The following BMP2K variants were observed in gnomAD, a reference collection of about 807,000 sequenced individuals.
The protein encoded by BMP2K is BMP-2-inducible protein kinase.
Under a neutral mutation model 116.0 loss-of-function variants are expected in BMP2K, and 74 were observed. The ratio of observed to expected loss-of-function variants is 0.64; its 90% confidence interval spans 0.53 to 0.77. The LOEUF is 0.77. Ranked by LOEUF, BMP2K falls within the 30% of genes least tolerant of loss-of-function variation. BMP2K has a pLI of 0.00. For missense variants in BMP2K, 1,365 were observed against 1,403.6 expected (o/e 0.97, Z 0.44); for synonymous variants, 486 against 502.5 (o/e 0.97, Z 0.44).
At chr4:78,906,680 C>T (rs1017732893) in intron 15 of BMP2K, among the ~76,000 whole-genome samples, 2 of 152,134 alleles carry the variant, frequency 1.3e-5, no homozygotes, top group African/African-American at 2.4e-5. Flanking sequence ...CTTCTCCCTA[C>T]ACTTCTCCCT....
At chr4:78,885,927 TC>T (rs1733054233) in intron 14 of BMP2K, among the ~76,000 whole-genome samples, 1 of 152,194 alleles carries the variant, frequency 6.6e-6, no homozygotes, top group African/African-American at 2.4e-5. Context: ...CAGTTTTGCC[TC>T]ACTGTAGCCT....
At chr4:78,859,739 T>A in intron 8 of BMP2K, 52 bp downstream of exon 8, 1 of 1,248,062 alleles carries the variant, frequency 8.0e-7, no homozygotes, top group Non-Finnish European at 1.1e-6. Flanking sequence ...TTATCGTATG[T>A]GAATATATTT....
At chr4:78,885,268 C>T (rs751890660) in intron 14 of BMP2K, among the ~76,000 whole-genome samples, 5 of 152,238 alleles carry the variant, frequency 3.3e-5, no homozygotes, top group South Asian at 4.1e-4. Flanking sequence ...GTCCCGTTGT[C>T]ATAAAGGTTT....
At chr4:78,894,082 G>C (rs1733577623) in intron 15 of BMP2K, among the ~76,000 whole-genome samples, 1 of 152,208 alleles carries the variant, frequency 6.6e-6, no homozygotes, top group African/African-American at 2.4e-5. Flanking sequence ...AACTATGCTG[G>C]AAACAGATGT....
intron 2 of BMP2K, among the ~76,000 whole-genome samples, chr4:78,831,329 A>G (rs1336021994): frequency 6.6e-6 from 1 of 152,244 alleles, no homozygotes; most frequent in Admixed American, 6.5e-5. Flanking sequence ...AGAATTACCA[A>G]AATATGACAG....
intron 8 of BMP2K, 138 bp downstream of exon 8, chr4:78,859,825 G>C (rs1196432383): frequency 1.6e-6 from 1 of 637,784 alleles, no homozygotes; most frequent in South Asian, 2.0e-5. Context: ...TGATCTGATT[G>C]TGTGTTTGAT....
chr4:78,864,865 C>A (rs1307439846), intron 9 of BMP2K, among the ~76,000 whole-genome samples: 9 of 151,684 alleles, frequency 5.9e-5, no homozygotes, highest in African/African-American at 1.7e-4. Flanking sequence ...AATATTTTAC[C>A]TTTTTTGTTT....
chr4:78,852,399 G>C (rs887505577), intron 7 of BMP2K, among the ~76,000 whole-genome samples: 24 of 151,998 alleles, frequency 1.6e-4, no homozygotes, highest in Non-Finnish European at 2.2e-4. Flanking sequence ...AATAACAAAA[G>C]GTTGAAAAAA....
intron 1 of BMP2K, among the ~76,000 whole-genome samples, chr4:78,781,240 C>G (rs1015900570): frequency 6.6e-6 from 1 of 152,046 alleles, no homozygotes; most frequent in Admixed American, 6.6e-5. Context: ...TGTATTTTTA[C>G]AAGATCATGC....
At chr4:78,786,178 C>T (rs1457483864) in intron 1 of BMP2K, among the ~76,000 whole-genome samples, 1 of 151,956 alleles carries the variant, frequency 6.6e-6, no homozygotes, top group Non-Finnish European at 1.5e-5. Flanking sequence ...GTGATGGGGC[C>T]CTTGGGAAAT....
intron 1 of BMP2K, among the ~76,000 whole-genome samples, chr4:78,820,277 T>C (rs1172975961): frequency 2.6e-5 from 4 of 152,234 alleles, no homozygotes; most frequent in Non-Finnish European, 5.9e-5. Context: ...TGGATATGGC[T>C]ATAGGGCTGA....
chr4:78,781,946 A>G (rs1388032781), intron 1 of BMP2K, among the ~76,000 whole-genome samples: 2 of 152,226 alleles, frequency 1.3e-5, no homozygotes, highest in South Asian at 2.1e-4. Context: ...GAGTATTTCA[A>G]GAAGGGGAGG....
intron 7 of BMP2K, among the ~76,000 whole-genome samples, chr4:78,853,161 G>A (rs73830211): frequency 6.6e-6 from 1 of 151,972 alleles, no homozygotes; most frequent in East Asian, 1.9e-4. Context: ...CATCGTTTTC[G>A]TATTAGTTCC....
chr4:78,888,534 A>G (rs1345646361), intron 15 of BMP2K, among the ~76,000 whole-genome samples: 4 of 152,272 alleles, frequency 2.6e-5, no homozygotes, highest in African/African-American at 9.6e-5. Context: ...TCAGGTTTGC[A>G]TGGACCTATA....
At chr4:78,897,027 A>G (rs1377755024) in intron 15 of BMP2K, among the ~76,000 whole-genome samples, 2 of 152,112 alleles carry the variant, frequency 1.3e-5, no homozygotes, top group Non-Finnish European at 2.9e-5. Context: ...CTTGAAATAT[A>G]TTGCTTGGGG....
chr4:78,880,720 T>G (rs2110068799), intron 14 of BMP2K, among the ~76,000 whole-genome samples: 1 of 152,382 alleles, frequency 6.6e-6, no homozygotes, highest in South Asian at 2.1e-4. Context: ...CTTAAGTAGC[T>G]ATTTTTAAGA....
chr4:78,860,606 G>A (rs781751820), intron 8 of BMP2K, among the ~76,000 whole-genome samples: 6 of 151,716 alleles, frequency 4.0e-5, no homozygotes, highest in Non-Finnish European at 7.4e-5. Context: ...AATGGTGTAT[G>A]GCAAGTCTCT....
intron 6 of BMP2K, 64 bp from the exon 7 acceptor site, chr4:78,850,860 T>C: frequency 6.4e-7 from 1 of 1,559,398 alleles, no homozygotes; most frequent in Admixed American, 1.9e-5. Context: ...ACATTGAGTT[T>C]TTGGCTATTT....
In BMP2K at chr4:78,871,009, GCACCACCACCAC is replaced by G. The variant is rs749728323; in HGVS notation, c.1472_1483del (p.His491_His494del). Reference sequence around the variant, plus strand: ...AGCAGCAGCAGCAGCAGCAGCAGCAGCACCACCACCACCACCACCACCACCTACTTCAAGATG... The same window carrying G: ...AGCAGCAGCAGCAGCAGCAGCAGCAGCACCACCACCACCTACTTCAAGATG... On this transcript the variant is annotated inframe_deletion, in exon 11 of 16. Transcript: ENST00000502613. 11 of 1,563,318 alleles carry G rather than the reference GCACCACCACCAC, an allele frequency of 7.0e-6. No individual in the cohort carries two copies. Among genetic ancestry groups the G allele is most frequent in the East Asian group, 2.3e-5 (1 of 43,550 alleles).
Sources: allele counts gnomAD v4.1 joint callset (sites outside exome capture counted in the v4.1 genomes callset), GRCh38; gene constraint gnomAD v4.1.1; transcripts MANE v1.5; gene names NCBI Gene and HGNC (gene_info 2026-07-23, HGNC 2026-07-21).